The following KIFC3 variants were observed in gnomAD, a reference collection of about 807,000 sequenced individuals.
KIFC3 encodes the protein kinesin family member C3, also known as kinesin-like protein KIFC3.
In KIFC3, 60 loss-of-function variants were observed where a neutral mutation model predicts 101.8. The ratio of observed to expected loss-of-function variants is 0.59; its 90% CI spans 0.48 to 0.73. KIFC3 has a LOEUF of 0.73. Among genes scored for constraint, KIFC3 ranks in the 30% least tolerant of loss-of-function variants. KIFC3 has a pLI of 0.00. For synonymous variants in KIFC3, 476 were observed against 482.7 expected, an observed-to-expected ratio of 0.99 and a Z score of 0.18; for missense variants, 966 against 1,137.1, an observed-to-expected ratio of 0.85 and a Z score of 2.16.
At chr16:57,802,529 G>A (rs1270055828), upstream of KIFC3, 2 of 985,572 alleles carry the variant, frequency 2.0e-6, no homozygotes, top group Non-Finnish European at 2.4e-6. The surrounding 1 kb of genome is among the most constrained non-coding windows in gnomAD (Gnocchi z 5.0). Context: ...AACTCGGGCC[G>A]CGGCGCGTTC....
In KIFC3 at chr16:57,764,234, A is replaced by G; in HGVS notation, c.1526T>C (p.Val509Ala). 1 of 1,220,984 alleles carries G rather than the reference A, an allele frequency of 8.2e-7. No individual in the cohort carries two copies. Among genetic ancestry groups the G allele is most frequent in the South Asian group, 1.2e-5 (1 of 84,534 alleles). 75.6% of individuals were successfully genotyped at this position (1,220,984 alleles called of 1,614,324 possible). A position where few individuals can be genotyped will look rare whatever the true frequency, so the allele number is the denominator to read the frequency against. Residue 509 changes from valine to alanine, a missense_variant, in exon 12 of 20, where the codon GTG (valine) becomes GCG (alanine). By Grantham distance (64) the Val-to-Ala change is moderately conservative. Coordinates refer to ENST00000445690, the MANE Select transcript of KIFC3 (RefSeq NM_001130100.2). ...QASQQDVFQE[V>A]QALVTSCIDG... The stretch of plus-strand genomic sequence containing the variant: ...AATGCAAGAGGTGACCAGGGCCTGC[A>G]CCTCCTGGAACACCTGGGAGGGTGG...
In KIFC3 at chr16:57,834,289, C is replaced by T. The variant is rs551978732; in HGVS notation, c.108+28440G>A. Reference sequence around the variant, plus strand: ...TCTCCCAGTATTGTTTCTTAGTGGACCTCTCCTGGTCTTAACTATTCTAGG... The same window carrying T: ...TCTCCCAGTATTGTTTCTTAGTGGATCTCTCCTGGTCTTAACTATTCTAGG... On this transcript the variant is annotated intron_variant, in intron 1 of 2. Transcript: ENST00000563028. Among the ~76,000 whole-genome samples, 21 of 152,142 alleles carry T rather than the reference C, an allele frequency of 1.4e-4. No homozygotes were observed. In the East Asian group the frequency reaches 4.1e-3, roughly 29 times the overall value.
intron 1 of KIFC3, among the ~76,000 whole-genome samples, chr16:57,854,695 A>G (rs533757083): frequency 6.6e-6 from 1 of 152,178 alleles, no homozygotes; most frequent in African/African-American, 2.4e-5. Context: ...CCATCAACCA[A>G]CTGGATCTAA....
intron 1 of KIFC3, chr16:57,816,074 C>T (rs960775166): frequency 3.8e-5 from 24 of 628,298 alleles, no homozygotes; most frequent in African/African-American, 3.5e-4. Flanking sequence ...TGGCCATCCA[C>T]GTACCCACAG....
chr16:57,838,081 G>A (rs1043542937), intron 1 of KIFC3, among the ~76,000 whole-genome samples: 17 of 152,122 alleles, frequency 1.1e-4, no homozygotes, highest in Non-Finnish European at 5.9e-5. Flanking sequence ...TAAATCCATC[G>A]AGAGTGCAGA....
At position 57,802,325 on chromosome 16, in the gene KIFC3, C is replaced by T. The variant is rs2054787083; in HGVS notation, c.-40+45G>A. The T allele has an allele frequency of 1.1e-6, 1 of 938,444 alleles. No homozygotes were observed. The highest frequency in any genetic ancestry group is 1.3e-6 in the Non-Finnish European group (1 of 787,758). 58.1% of individuals were successfully genotyped at this position (938,444 alleles called of 1,614,324 possible). On this transcript the variant is annotated intron_variant, in intron 1 of 19. Transcript: ENST00000445690. The surrounding 1 kb of genome is among the most constrained non-coding windows in gnomAD (Gnocchi z 5.0). The stretch of plus-strand genomic sequence containing the variant: ...GCCCCAAACGGCGGGCCGGGCAGAG[C>T]CCAGCGCCCCGCTCGCACCCAGCCC...
At chr16:57,795,884 G>GTTTTTTT (rs797031930) in intron 2 of KIFC3, among the ~76,000 whole-genome samples, 6 of 58,792 alleles carry the variant, frequency 1.0e-4, no homozygotes, top group African/African-American at 1.5e-4. Flanking sequence ...GGGCTTTTTT[G>GTTTTTTT]TTTTTTTTTT....
intron 3 of KIFC3, among the ~76,000 whole-genome samples, chr16:57,786,265 C>G (rs1311768297): frequency 6.6e-6 from 1 of 152,196 alleles, no homozygotes; most frequent in Non-Finnish European, 1.5e-5. Context: ...GCGCAGGAAC[C>G]TCCCAGGCAA....
chr16:57,767,721 C>T (rs1597925682), intron 9 of KIFC3, among the ~76,000 whole-genome samples: 1 of 152,278 alleles, frequency 6.6e-6, no homozygotes, highest in East Asian at 1.9e-4. Context: ...GGTGGAAACT[C>T]ATTGTGAGTG....
rs745665562 is a variant in KIFC3, at chr16:57,758,254, A to ATGGC, written c.*676_*679dup. The ATGGC allele has an allele frequency of 3.3e-4, 76 of 228,466 alleles. No homozygotes were observed. The highest frequency in any genetic ancestry group is 1.6e-3 in the South Asian group (31 of 19,176). 14.2% of individuals were successfully genotyped at this position (228,466 alleles called of 1,614,324 possible). A position where few individuals can be genotyped will look rare whatever the true frequency, so the allele number is the denominator to read the frequency against. On this transcript the variant is annotated 3_prime_UTR_variant, in exon 20 of 20. Coordinates refer to ENST00000445690, the MANE Select transcript of KIFC3 (RefSeq NM_001130100.2). ...GCTTCTTTTATTTTAATAAGTAAAA[A>ATGGC]TGGCTAAGCTTCCAAAAGTTCTTAA... is the stretch of plus-strand genomic sequence containing the variant.
rs568840897 is a variant in KIFC3, at chr16:57,795,901, T to G, written c.173-760A>C. Among the ~76,000 whole-genome samples the G allele has an allele frequency of 4.5e-3, 629 of 139,602 alleles. 21 individuals are homozygous for G. The highest frequency in any genetic ancestry group is 0.014 in the South Asian group (61 of 4,364). 91.6% of individuals were successfully genotyped at this position (139,602 alleles called of 152,430 possible). A position where few individuals can be genotyped will look rare whatever the true frequency, so the allele number is the denominator to read the frequency against. Reference sequence around the variant, plus strand: ...GCTTTTTTGTTTTTTTTTTTTTTTTTTTTTTTTTTTGAGACAGGGCCTCTC... The same window carrying G: ...GCTTTTTTGTTTTTTTTTTTTTTTTGTTTTTTTTTTGAGACAGGGCCTCTC... On this transcript the variant is annotated intron_variant, in intron 2 of 19. Coordinates refer to ENST00000445690, the MANE Select transcript of KIFC3 (RefSeq NM_001130100.2).
intron 3 of KIFC3, among the ~76,000 whole-genome samples, chr16:57,777,783 A>G (rs1555612528): frequency 3.9e-5 from 6 of 152,212 alleles, no homozygotes; most frequent in Non-Finnish European, 2.9e-5. Context: ...TACTGACATT[A>G]AAACAGACAT....
At chr16:57,805,819 G>A (rs1238813370), upstream of KIFC3, among the ~76,000 whole-genome samples, 5 of 152,130 alleles carry the variant, frequency 3.3e-5, no homozygotes, top group African/African-American at 1.2e-4. Context: ...GGGATTACAG[G>A]CATGCGCCAC....
intron 1 of KIFC3, among the ~76,000 whole-genome samples, chr16:57,810,094 C>T (rs181171890): frequency 3.3e-4 from 50 of 152,294 alleles, no homozygotes; most frequent in Admixed American, 1.2e-3. Context: ...CCATCCTAGA[C>T]GGATGAGTCT....
Position 57,844,107 on chromosome 16 carries a change from C to CA in KIFC3, c.108+18621dup, listed in dbSNP as rs374892919. ...TGGGCGACAGAGTGAGAATCCATCT[C>CA]AAAAAAAAAAAGAAGTTTCTTTCCT... is the stretch of plus-strand genomic sequence containing the variant. On this transcript the variant is annotated intron_variant, in intron 1 of 2. Coordinates refer to the KIFC3 transcript ENST00000563028. Among the ~76,000 whole-genome samples, 264 of 136,902 alleles carry CA rather than the reference C, an allele frequency of 1.9e-3. 1 individual carries two copies. The highest frequency in any genetic ancestry group is 4.9e-3 in the African/African-American group (182 of 37,428). 89.8% of individuals were successfully genotyped at this position (136,902 alleles called of 152,430 possible).
rs9932723 is a variant in KIFC3, at chr16:57,767,105, G to A, written c.1219-120C>T. 1.1e-3 allele frequency: 810 copies of A among 715,576 alleles called. 4 individuals carry two copies. The African/African-American group carries it at 0.012, about 11-fold the overall frequency. The allele number at this position is 715,576 out of a possible 1,614,324, so 44.3% of individuals were successfully genotyped here. A position where few individuals can be genotyped will look rare whatever the true frequency, so the allele number is the denominator to read the frequency against. On this transcript the variant is annotated intron_variant, in intron 9 of 19. Transcript: ENST00000445690. ...CCTGGCTGAGTACCTGACACACGCT[G>A]TCACATGTCAGACTGTCCCAATCAC...
upstream of KIFC3, chr16:57,803,206 C>T (rs1238903935): frequency 5.5e-6 from 4 of 726,772 alleles, no homozygotes; most frequent in Non-Finnish European, 9.8e-6. Context: ...AGTTCCCGGC[C>T]TTGCTGCAGA....
chr16:57,830,054 A>G (rs2055541871), intron 1 of KIFC3, among the ~76,000 whole-genome samples: 1 of 152,130 alleles, frequency 6.6e-6, no homozygotes. Context: ...AAAGAAAACA[A>G]TTGACAGCCT....
rs1567339626 is a variant in KIFC3, at chr16:57,847,286, AGAGAGGGC to A, written c.108+15435_108+15442del. The stretch of plus-strand genomic sequence containing the variant: ...AGGAAGGAAGGGAAGGGAGGGAGGG[AGAGAGGGC>A]GGGGAGGGAGGGAGGGAGGGAGAGG... On this transcript the variant is annotated intron_variant, in intron 1 of 2. Transcript: ENST00000563028. 1.8e-3 allele frequency among the ~76,000 whole-genome samples: 116 copies of A among 64,708 alleles called. 1 individual carries two copies. Among genetic ancestry groups the A allele is most frequent in the African/African-American group, 6.6e-3 (105 of 15,860 alleles). 42.5% of individuals were successfully genotyped at this position (64,708 alleles called of 152,430 possible). A position where few individuals can be genotyped will look rare whatever the true frequency, so the allele number is the denominator to read the frequency against.
Sources: allele counts gnomAD v4.1 joint callset (sites outside exome capture counted in the v4.1 genomes callset), GRCh38; gene constraint gnomAD v4.1.1; non-coding constraint Gnocchi (gnomAD v3.1); transcripts MANE v1.5; gene names NCBI Gene and HGNC (gene_info 2026-07-23, HGNC 2026-07-21).